Variants in NRXN3 observed in about 807,000 individuals in gnomAD.
NRXN3 encodes neurexin 3.
In NRXN3, 32 loss-of-function variants were observed where a neutral mutation model predicts 137.6. The observed-to-expected ratio is 0.23, with a 90% CI of 0.18 to 0.31. NRXN3 has a LOEUF of 0.31. Ranked by LOEUF, NRXN3 falls within the 10% of genes least tolerant of loss-of-function variation. The pLI is 1.00. For missense variants in NRXN3, 1,574 were observed against 2,062.5 expected, an observed-to-expected ratio of 0.76 and a Z score of 4.59; for synonymous variants, 798 against 784.5, an observed-to-expected ratio of 1.02 and a Z score of -0.29.
At chr14:79,398,041 CA>C (rs1180825407) in intron 15 of NRXN3, among the ~76,000 whole-genome samples, 3 of 152,200 alleles carry the variant, frequency 2.0e-5, no homozygotes, top group Non-Finnish European at 4.4e-5. Context: ...TCCTTTGCTC[CA>C]GCTGCATTCA....
chr14:78,832,802 A>AT (rs1351044115), intron 10 of NRXN3, among the ~76,000 whole-genome samples: 2 of 152,154 alleles, frequency 1.3e-5, no homozygotes, highest in Non-Finnish European at 2.9e-5. Flanking sequence ...TGACTCAGTG[A>AT]TTTTGGTTCC....
At chr14:78,351,216 A>G (rs1412114170) in intron 4 of NRXN3, among the ~76,000 whole-genome samples, 1 of 152,194 alleles carries the variant, frequency 6.6e-6, no homozygotes, top group East Asian at 1.9e-4. Flanking sequence ...TGCCTGCTGT[A>G]TAGTGTTCTA....
At chr14:79,187,660 C>CAAAAAAAAAAAAAAAAAAAAAA (rs1272684800) in intron 15 of NRXN3, among the ~76,000 whole-genome samples, 1 of 20,300 alleles carries the variant, frequency 4.9e-5, no homozygotes, top group African/African-American at 1.8e-4. Context: ...GACTCCGTCT[C>CAAAAAAAAAAAAAAAAAAAAAA]AAAAAAAAAA....
At chr14:78,709,732 C>G in intron 7 of NRXN3, 77 bp downstream of exon 7, 1 of 1,327,798 alleles carries the variant, frequency 7.5e-7, no homozygotes, top group Non-Finnish European at 1.0e-6. Flanking sequence ...CTTTATGTTT[C>G]TTAATTTTCA....
intron 19 of NRXN3, among the ~76,000 whole-genome samples, chr14:79,719,368 A>ATG (rs1374866821): frequency 1.3e-5 from 1 of 74,892 alleles, no homozygotes; most frequent in Non-Finnish European, 2.9e-5. Flanking sequence ...TATTGTGTGT[A>ATG]TGTGTATATA....
chr14:79,066,307 G>A (rs902266878), intron 15 of NRXN3, among the ~76,000 whole-genome samples: 5 of 151,898 alleles, frequency 3.3e-5, no homozygotes, highest in Admixed American at 6.6e-5. Context: ...GTAGGTGTGC[G>A]GTCTTATGTC....
chr14:79,634,274 A>G (rs567303061), intron 16 of NRXN3, among the ~76,000 whole-genome samples: 2 of 152,172 alleles, frequency 1.3e-5, no homozygotes, highest in East Asian at 3.9e-4. Flanking sequence ...TAATGTCGAG[A>G]GACGGGCTAG....
chr14:79,029,576 C>T (rs2099603995), intron 15 of NRXN3, among the ~76,000 whole-genome samples: 4 of 152,076 alleles, frequency 2.6e-5, no homozygotes, highest in Admixed American at 2.6e-4. Flanking sequence ...TCTCAATAGC[C>T]ATGCCAATGA....
At chr14:79,231,131 T>C (rs1282147092) in intron 15 of NRXN3, among the ~76,000 whole-genome samples, 1 of 152,146 alleles carries the variant, frequency 6.6e-6, no homozygotes, top group Non-Finnish European at 1.5e-5. Context: ...ACTAAACAAT[T>C]TGATTCCTGG....
chr14:79,721,130 G>A (rs1438282078), intron 19 of NRXN3, among the ~76,000 whole-genome samples: 1 of 152,090 alleles, frequency 6.6e-6, no homozygotes. Context: ...TGTCATAAAT[G>A]CATTCCATTT....
intron 10 of NRXN3, among the ~76,000 whole-genome samples, chr14:78,897,665 G>C (rs970384848): frequency 2.0e-5 from 3 of 151,868 alleles, no homozygotes; most frequent in African/African-American, 7.2e-5. Context: ...CCTCCACTCT[G>C]TCCTGGCCAG....
chr14:79,853,264 A>G (rs1294585064), intron 20 of NRXN3, among the ~76,000 whole-genome samples: 1 of 152,228 alleles, frequency 6.6e-6, no homozygotes, highest in Admixed American at 6.5e-5. Context: ...ACTTGAATGC[A>G]TAAATCTAGT....
intron 4 of NRXN3, among the ~76,000 whole-genome samples, chr14:78,316,030 T>C (rs539790348): frequency 1.1e-4 from 16 of 152,306 alleles, no homozygotes; most frequent in South Asian, 4.1e-4. Flanking sequence ...GGTTGGCCCA[T>C]TGTACTATTG....
intron 8 of NRXN3, among the ~76,000 whole-genome samples, chr14:78,735,734 G>A (rs1461110259): frequency 1.3e-5 from 2 of 151,998 alleles, no homozygotes; most frequent in Non-Finnish European, 2.9e-5. Flanking sequence ...TCATATTAGG[G>A]GTTTGTTTTA....
intron 16 of NRXN3, among the ~76,000 whole-genome samples, chr14:79,585,204 A>T (rs1335584179): frequency 6.6e-6 from 1 of 152,232 alleles, no homozygotes; most frequent in Admixed American, 6.5e-5. Flanking sequence ...TTATGCCCAC[A>T]ACATCTGGAT....
At chr14:79,088,650 C>A (rs2048595441) in intron 15 of NRXN3, among the ~76,000 whole-genome samples, 1 of 152,036 alleles carries the variant, frequency 6.6e-6, no homozygotes, top group Admixed American at 6.6e-5. Context: ...AGAATATATT[C>A]AAAGTTTGTA....
intron 4 of NRXN3, among the ~76,000 whole-genome samples, chr14:78,537,624 T>C (rs1425593765): frequency 6.6e-6 from 1 of 152,254 alleles, no homozygotes; most frequent in Non-Finnish European, 1.5e-5. Flanking sequence ...TTAGATCCCA[T>C]TTGCCTATTT....
chr14:79,716,405 A>ATGTT (rs2098823842), intron 19 of NRXN3, among the ~76,000 whole-genome samples: 1 of 152,248 alleles, frequency 6.6e-6, no homozygotes. Context: ...AACCTATCAT[A>ATGTT]TGTTGTAATA....
At chr14:78,390,658 G>A (rs370467556) in intron 4 of NRXN3, among the ~76,000 whole-genome samples, 1 of 152,066 alleles carries the variant, frequency 6.6e-6, no homozygotes, top group Admixed American at 6.5e-5. Flanking sequence ...TTCTCTCTAC[G>A]ATCCTAAGCA....
Sources: allele counts gnomAD v4.1 joint callset (sites outside exome capture counted in the v4.1 genomes callset), GRCh38; gene constraint gnomAD v4.1.1; transcripts MANE v1.5; gene names NCBI Gene and HGNC (gene_info 2026-07-23, HGNC 2026-07-21).